TMEM170B: variants seen among roughly 807,000 people sequenced by gnomAD.
TMEM170B encodes the protein transmembrane protein 170B.
A neutral mutation model predicts 13.0 loss-of-function variants in TMEM170B; 6 were observed. The ratio of observed to expected loss-of-function variants is 0.46; its 90% CI spans 0.25 to 0.91. TMEM170B has a LOEUF of 0.91. TMEM170B is among the 40% of genes least tolerant of loss of function. The probability of loss-of-function intolerance (pLI) is 0.17; values close to 1 mark genes in which losing one functional copy is unlikely to be tolerated. For synonymous variants in TMEM170B, 61 were observed against 64.9 expected (o/e 0.94, Z 0.29); for missense variants, 138 against 165.2 (o/e 0.84, Z 0.90).
rs1192426712 is a variant in TMEM170B, at chr6:11,578,227, T to G, written c.*2666T>G. ...CTTCACTTAATAGAGCTGGAGACCC[T>G]TGTTTGGGACATGACAAAAGTCCTT... On this transcript the variant is annotated 3_prime_UTR_variant, in exon 3 of 3. Coordinates refer to ENST00000379426, the MANE Select transcript of TMEM170B (RefSeq NM_001100829.3). 2.0e-5 allele frequency: 3 copies of G among 152,172 alleles called. No homozygotes were observed. The highest frequency in any genetic ancestry group is 7.2e-5 in the African/African-American group (3 of 41,452). The allele number at this position is 152,172 out of a possible 1,614,324, so 9.4% of individuals were successfully genotyped here. A position where few individuals can be genotyped will look rare whatever the true frequency, so the allele number is the denominator to read the frequency against.
In TMEM170B at chr6:11,579,015, A is replaced by T. The variant is rs974585371; in HGVS notation, c.*3454A>T. The stretch of plus-strand genomic sequence containing the variant: ...CCAAGTATTTTCTCTAGTAAGAAGT[A>T]CAAGAATTACCAAGATGGAATTCTT... On this transcript the variant is annotated 3_prime_UTR_variant, in exon 3 of 3. Coordinates refer to ENST00000379426, the MANE Select transcript of TMEM170B (RefSeq NM_001100829.3). The T allele has an allele frequency of 8.5e-5, 13 of 152,224 alleles. No individual in the cohort carries two copies. Among genetic ancestry groups the T allele is most frequent in the African/African-American group, 2.9e-4 (12 of 41,462 alleles). The allele number at this position is 152,224 out of a possible 1,614,324, so 9.4% of individuals were successfully genotyped here.
In TMEM170B at chr6:11,581,244, G is replaced by A. The variant is rs1759952280; in HGVS notation, c.*5683G>A. On this transcript the variant is annotated 3_prime_UTR_variant, in exon 3 of 3. Transcript: ENST00000379426. ...ATAACTCTTCCCTGATTTTGAGAAC[G>A]AATTTAGCAATTTCCTAAAAATCTT... is the stretch of plus-strand genomic sequence containing the variant. 1 of 152,104 alleles carries A rather than the reference G, an allele frequency of 6.6e-6. No homozygotes were observed. Among genetic ancestry groups the A allele is most frequent in the African/African-American group, 2.4e-5 (1 of 41,418 alleles). The allele number at this position is 152,104 out of a possible 1,614,324, so 9.4% of individuals were successfully genotyped here. A position where few individuals can be genotyped will look rare whatever the true frequency, so the allele number is the denominator to read the frequency against.
intron 1 of TMEM170B, among the ~76,000 whole-genome samples, chr6:11,539,450 C>CAT (rs1435794292): frequency 4.6e-5 from 7 of 152,014 alleles, no homozygotes; most frequent in Non-Finnish European, 1.0e-4. Context: ...ATATATATAA[C>CAT]ATATATATAA....
chr6:11,545,467 T>G (rs1759424599), intron 1 of TMEM170B, among the ~76,000 whole-genome samples: 1 of 152,052 alleles, frequency 6.6e-6, no homozygotes, highest in African/African-American at 2.4e-5. Flanking sequence ...AAGGACCTCA[T>G]GTGATGATGG....
At chr6:11,572,949 T>C (rs968828991) in intron 2 of TMEM170B, among the ~76,000 whole-genome samples, 2 of 152,190 alleles carry the variant, frequency 1.3e-5, no homozygotes, top group African/African-American at 4.8e-5. Context: ...ATTGTATGGG[T>C]TCATGGTATG....
rs1759867679 is a variant in TMEM170B at position 11,575,850 on chromosome 6, T to C, written c.*289T>C. 1.3e-5 allele frequency: 3 copies of C among 237,866 alleles called. No individual in the cohort carries two copies. The highest frequency in any genetic ancestry group is 2.5e-5 in the Non-Finnish European group (3 of 121,118). The allele number at this position is 237,866 out of a possible 1,614,324, so 14.7% of individuals were successfully genotyped here. A position where few individuals can be genotyped will look rare whatever the true frequency, so the allele number is the denominator to read the frequency against. On this transcript the variant is annotated 3_prime_UTR_variant, in exon 3 of 3. Transcript: ENST00000379426. This position sits in a 1 kb window ranked among gnomAD's most constrained non-coding sequence, Gnocchi z 4.1. ...CTGCCTATCAGGTTAACATTGGTGT[T>C]GAAATCATCGTTCCTAACAGTGTTA...
intron 1 of TMEM170B, among the ~76,000 whole-genome samples, chr6:11,549,860 CTTG>C (rs1225379579): frequency 6.6e-6 from 1 of 151,936 alleles, no homozygotes; most frequent in Non-Finnish European, 1.5e-5. Flanking sequence ...CATATATCTA[CTTG>C]TTGTAGTAGG....
intron 1 of TMEM170B, among the ~76,000 whole-genome samples, chr6:11,561,331 G>A (rs73357850): frequency 0.011 from 1,649 of 152,264 alleles, 40 homozygotes; most frequent in African/African-American, 0.036. Flanking sequence ...GGGTATGAGT[G>A]GAGAGAGAAA....
Position 11,579,049 on chromosome 6 carries a change from G to A in TMEM170B, c.*3488G>A, listed in dbSNP as rs1188458481. The A allele has an allele frequency of 6.6e-6, 1 of 152,142 alleles. No homozygotes were observed. Among genetic ancestry groups the A allele is most frequent in the African/African-American group, 2.4e-5 (1 of 41,444 alleles). The allele number at this position is 152,142 out of a possible 1,614,324, so 9.4% of individuals were successfully genotyped here. A position where few individuals can be genotyped will look rare whatever the true frequency, so the allele number is the denominator to read the frequency against. On this transcript the variant is annotated 3_prime_UTR_variant, in exon 3 of 3. Coordinates refer to ENST00000379426, the MANE Select transcript of TMEM170B (RefSeq NM_001100829.3). ...ACCAAGATGGAATTCTTTACCTTGAGTACACCAAGAGCTAGCAAGATGATT... is the reference window on the plus strand; with the variant it reads ...ACCAAGATGGAATTCTTTACCTTGAATACACCAAGAGCTAGCAAGATGATT...
intron 1 of TMEM170B, among the ~76,000 whole-genome samples, chr6:11,554,708 C>G (rs552548): frequency 0.95 from 144,337 of 152,154 alleles, 68,941 homozygotes; most frequent in East Asian, 1. Context: ...GTTTAAGTGG[C>G]TAATAAACAG....
At chr6:11,573,722 A>G (rs1759837115) in intron 2 of TMEM170B, among the ~76,000 whole-genome samples, 3 of 152,188 alleles carry the variant, frequency 2.0e-5, no homozygotes, top group African/African-American at 7.2e-5. Flanking sequence ...ATCATGATTG[A>G]AAACTTAGTA....
At chr6:11,554,383 A>G (rs1561909240) in intron 1 of TMEM170B, among the ~76,000 whole-genome samples, 1 of 151,948 alleles carries the variant, frequency 6.6e-6, no homozygotes, top group Non-Finnish European at 1.5e-5. Context: ...TACTAGATTC[A>G]GATTTTGACA....
At chr6:11,563,408 C>G (rs1333842964) in intron 1 of TMEM170B, among the ~76,000 whole-genome samples, 5 of 152,068 alleles carry the variant, frequency 3.3e-5, no homozygotes. Flanking sequence ...AAGCAGTTCT[C>G]TAGGATACCA....
At position 11,583,404 on chromosome 6, in the gene TMEM170B, C is replaced by T. The variant is rs1759983765; in HGVS notation, c.*7843C>T. On this transcript the variant is annotated 3_prime_UTR_variant, in exon 3 of 3. Coordinates refer to ENST00000379426, the MANE Select transcript of TMEM170B (RefSeq NM_001100829.3). ...CAACTGTTAAAAAGTGAATCCAGCA[C>T]TTAAATGTCATTACACAGAATTTAT... The T allele has an allele frequency of 6.6e-6, 1 of 152,096 alleles. No homozygotes were observed. The highest frequency in any genetic ancestry group is 2.4e-5 in the African/African-American group (1 of 41,402). The allele number at this position is 152,096 out of a possible 1,614,324, so 9.4% of individuals were successfully genotyped here. A position where few individuals can be genotyped will look rare whatever the true frequency, so the allele number is the denominator to read the frequency against.
At chr6:11,546,268 G>T (rs1195673740) in intron 1 of TMEM170B, among the ~76,000 whole-genome samples, 1 of 150,506 alleles carries the variant, frequency 6.6e-6, no homozygotes, top group African/African-American at 2.5e-5. Flanking sequence ...TTTAGAAGTA[G>T]AAAAAGTTTA....
intron 2 of TMEM170B, among the ~76,000 whole-genome samples, chr6:11,571,126 A>G (rs1421285877): frequency 6.7e-6 from 1 of 149,802 alleles, no homozygotes; most frequent in Non-Finnish European, 1.5e-5. Flanking sequence ...CTGTTTTTCC[A>G]CCCATAGCTC....
rs115589395 is a variant in TMEM170B at position 11,555,827 on chromosome 6, T to G, written c.98-9839T>G. Among the ~76,000 whole-genome samples, 388 of 152,386 alleles carry G rather than the reference T, an allele frequency of 2.5e-3. 1 individual carries two copies. The highest frequency in any genetic ancestry group is 4.9e-3 in the Non-Finnish European group (334 of 68,048). ...GTTGTTTTTCCTGTTTTTGAGTGCTTCTTTTAATTTTTTGATTGAAAAAGT... is the reference window on the plus strand; with the variant it reads ...GTTGTTTTTCCTGTTTTTGAGTGCTGCTTTTAATTTTTTGATTGAAAAAGT... On this transcript the variant is annotated intron_variant, in intron 1 of 2. Transcript: ENST00000379426.
At chr6:11,550,510 G>T (rs943580921) in intron 1 of TMEM170B, among the ~76,000 whole-genome samples, 1 of 151,506 alleles carries the variant, frequency 6.6e-6, no homozygotes, top group Non-Finnish European at 1.5e-5. Context: ...TACCCTGACG[G>T]ATTGTATGAT....
At position 11,555,872 on chromosome 6, in the gene TMEM170B, CA is replaced by C. The variant is rs1230688132; in HGVS notation, c.98-9792del. ...AAAAGTCTCACTAAAGACTGAGGTA[CA>C]AGGCCGGGCGCGGTGGCTCACGCCT... On this transcript the variant is annotated intron_variant, in intron 1 of 2. Coordinates refer to ENST00000379426, the MANE Select transcript of TMEM170B (RefSeq NM_001100829.3). Among the ~76,000 whole-genome samples, 2 of 7,400 alleles carry C rather than the reference CA, an allele frequency of 2.7e-4. 1 individual carries two copies. The highest frequency in any genetic ancestry group is 0.053 in the Non-Finnish European group (2 of 38). 4.9% of individuals were successfully genotyped at this position (7,400 alleles called of 152,430 possible).
Sources: allele counts gnomAD v4.1 joint callset (sites outside exome capture counted in the v4.1 genomes callset), GRCh38; gene constraint gnomAD v4.1.1; non-coding constraint Gnocchi (gnomAD v3.1); transcripts MANE v1.5; gene names NCBI Gene and HGNC (gene_info 2026-07-23, HGNC 2026-07-21).